Variants in LRRC7 observed in about 807,000 individuals in gnomAD.
LRRC7 encodes the protein leucine-rich repeat-containing protein 7.
In LRRC7, 23 loss-of-function variants were observed where a neutral mutation model predicts 175.7. The ratio of observed to expected loss-of-function variants is 0.13; its 90% CI spans 0.09 to 0.19. The LOEUF is 0.19. Ranked by LOEUF, LRRC7 falls within the 10% of genes least tolerant of loss-of-function variation. LRRC7 has a pLI of 1.00. For missense variants in LRRC7, 1,354 were observed against 1,904.7 expected, an observed-to-expected ratio of 0.71 and a Z score of 5.38; for synonymous variants, 685 against 680.9, an observed-to-expected ratio of 1.01 and a Z score of -0.09.
At chr1:69,793,386 A>T (rs560930862) in intron 4 of LRRC7, among the ~76,000 whole-genome samples, 46 of 152,180 alleles carry the variant, frequency 3.0e-4, no homozygotes, top group South Asian at 2.1e-4. Flanking sequence ...CCATCAGAAA[A>T]ATATCTTGGT....
At chr1:70,092,317 A>C (rs1005722306) in intron 25 of LRRC7, among the ~76,000 whole-genome samples, 4 of 152,168 alleles carry the variant, frequency 2.6e-5, no homozygotes, top group Non-Finnish European at 5.9e-5. Context: ...CCTGAGCCTG[A>C]GGTAGACTTA....
intron 2 of LRRC7, among the ~76,000 whole-genome samples, chr1:69,750,640 G>T (rs1340768): frequency 0.013 from 1,986 of 152,282 alleles, 46 homozygotes; most frequent in African/African-American, 0.045. Context: ...CCAAGATCAA[G>T]GTGCCAGCAA....
intron 26 of LRRC7, among the ~76,000 whole-genome samples, chr1:70,113,591 C>G (rs1049134427): frequency 5.9e-5 from 9 of 152,032 alleles, no homozygotes; most frequent in African/African-American, 2.2e-4. Context: ...AAGCCAGAAA[C>G]AAGATTTTAA....
rs1337978106 is a variant in LRRC7 at position 70,140,943 on chromosome 1, C to T, written c.*19056C>T. 2.0e-5 allele frequency among the ~76,000 whole-genome samples: 3 copies of T among 152,084 alleles called. No homozygotes were observed. Among genetic ancestry groups the T allele is most frequent in the Admixed American group, 1.3e-4 (2 of 15,244 alleles). On this transcript the variant is annotated 3_prime_UTR_variant, in exon 27 of 27. Transcript: ENST00000651989. Reference sequence around the variant, plus strand: ...CAACTTTCAGTCATTTTTCTATAAACAACTTTCCTCAGTTCGCAACTGAGG... The same window carrying T: ...CAACTTTCAGTCATTTTTCTATAAATAACTTTCCTCAGTTCGCAACTGAGG...
At chr1:70,015,754 T>A (rs2101961093) in intron 13 of LRRC7, among the ~76,000 whole-genome samples, 1 of 152,298 alleles carries the variant, frequency 6.6e-6, no homozygotes, top group Admixed American at 6.5e-5. Context: ...AGTGCTAATT[T>A]TTTAAAGATT....
chr1:69,745,374 C>T (rs144801668), intron 2 of LRRC7, among the ~76,000 whole-genome samples: 10 of 151,994 alleles, frequency 6.6e-5, no homozygotes, highest in African/African-American at 2.2e-4. Context: ...CATTCATATA[C>T]AATACTTTGG....
At chr1:69,583,788 T>C (rs1646295731) in intron 1 of LRRC7, among the ~76,000 whole-genome samples, 1 of 152,148 alleles carries the variant, frequency 6.6e-6, no homozygotes, top group Non-Finnish European at 1.5e-5. Context: ...TAGGGCTGCA[T>C]TGCACTGTCT....
At chr1:70,051,021 GGT>G (rs1660707015) in intron 22 of LRRC7, among the ~76,000 whole-genome samples, 1 of 151,862 alleles carries the variant, frequency 6.6e-6, no homozygotes, top group Admixed American at 6.6e-5. Context: ...ATAGAGACTT[GGT>G]GTGATTGTTA....
intron 7 of LRRC7, among the ~76,000 whole-genome samples, chr1:69,857,793 A>T (rs184360250): frequency 6.6e-6 from 1 of 152,146 alleles, no homozygotes; most frequent in Non-Finnish European, 1.5e-5. Context: ...AAAAGAGCCC[A>T]CATTGCCAAG....
chr1:69,723,916 T>A (rs1432794002), intron 2 of LRRC7, among the ~76,000 whole-genome samples: 1 of 151,858 alleles, frequency 6.6e-6, no homozygotes, highest in Non-Finnish European at 1.5e-5. Flanking sequence ...CAAAGGCCCC[T>A]TCTCCTAATA....
Position 70,105,380 on chromosome 1 carries a change from T to C in LRRC7, c.4546-2372T>C, listed in dbSNP as rs147357834. 3.7e-3 allele frequency among the ~76,000 whole-genome samples: 558 copies of C among 152,196 alleles called. 5 individuals carry two copies. The highest frequency in any genetic ancestry group is 0.013 in the African/African-American group (530 of 41,530). On this transcript the variant is annotated intron_variant, in intron 25 of 26. Coordinates refer to ENST00000651989, the MANE Select transcript of LRRC7 (RefSeq NM_001370785.2). ...TAATCTTATAAGTAGTGCATAATCA[T>C]TGTAGAAAAATAAGAAAACACAAAT... is the stretch of plus-strand genomic sequence containing the variant.
At chr1:69,888,716 A>T (rs1353862373) in intron 7 of LRRC7, among the ~76,000 whole-genome samples, 1 of 152,128 alleles carries the variant, frequency 6.6e-6, no homozygotes, top group Non-Finnish European at 1.5e-5. Context: ...TTATAGGTGG[A>T]ATCTAAAAAA....
At chr1:70,052,910 T>G in intron 22 of LRRC7, 116 bp from the exon 23 acceptor site, 1 of 1,065,554 alleles carries the variant, frequency 9.4e-7, no homozygotes, top group Middle Eastern at 2.2e-4. Context: ...TCAGGATGTA[T>G]GTTTTTCTGC....
intron 19 of LRRC7, 66 bp from the exon 20 acceptor site, chr1:70,036,378 C>T: frequency 1.3e-6 from 2 of 1,496,896 alleles, no homozygotes; most frequent in Admixed American, 2.0e-5. Flanking sequence ...TTCCATTTTT[C>T]ATACTTGCTT....
At chr1:69,885,040 G>C (rs1377290079) in intron 7 of LRRC7, among the ~76,000 whole-genome samples, 10 of 140,438 alleles carry the variant, frequency 7.1e-5, no homozygotes, top group African/African-American at 1.1e-4. Flanking sequence ...GAGGATTTTT[G>C]CATCAATGTT....
intron 16 of LRRC7, chr1:70,022,233 G>T (rs1657586492): frequency 6.6e-6 from 1 of 152,110 alleles, no homozygotes; most frequent in Admixed American, 6.5e-5. Flanking sequence ...TGAATTCCTA[G>T]AAAAAATAAT....
At chr1:70,104,221 G>C (rs1019913721) in intron 25 of LRRC7, among the ~76,000 whole-genome samples, 2 of 152,180 alleles carry the variant, frequency 1.3e-5, no homozygotes, top group Admixed American at 6.6e-5. Context: ...CAGTGCCAAA[G>C]TATTCTTTAA....
intron 15 of LRRC7, among the ~76,000 whole-genome samples, chr1:70,020,419 G>A (rs1000362121): frequency 6.6e-6 from 1 of 151,902 alleles, no homozygotes; most frequent in Non-Finnish European, 1.5e-5. Flanking sequence ...CAAAAAACAA[G>A]CTCCCCTCAT....
At chr1:69,603,771 C>T (rs1647178768) in intron 1 of LRRC7, among the ~76,000 whole-genome samples, 1 of 151,952 alleles carries the variant, frequency 6.6e-6, no homozygotes, top group Non-Finnish European at 1.5e-5. Context: ...GATAACCTTC[C>T]AATTTCTTAT....
Sources: allele counts gnomAD v4.1 joint callset (sites outside exome capture counted in the v4.1 genomes callset), GRCh38; gene constraint gnomAD v4.1.1; transcripts MANE v1.5; gene names NCBI Gene and HGNC (gene_info 2026-07-23, HGNC 2026-07-21).